BEND5: variants seen among roughly 807,000 people sequenced by gnomAD.
BEND5 encodes BEN domain-containing protein 5.
Under a neutral mutation model 43.9 loss-of-function variants are expected in BEND5, and 22 were observed. The observed-to-expected ratio is 0.50, with a 90% CI of 0.36 to 0.72. The LOEUF is 0.72. Among genes scored for constraint, BEND5 ranks in the 30% least tolerant of loss-of-function variants. BEND5 has a pLI of 0.00. For missense variants in BEND5, 428 were observed against 550.6 expected (o/e 0.78, Z 2.23); for synonymous variants, 228 against 225.9 (o/e 1.01, Z -0.08).
At position 48,736,338 on chromosome 1, in the gene BEND5, C is replaced by T. The variant is rs998064579; in HGVS notation, c.1009G>A (p.Val337Ile). The T allele has an allele frequency of 1.2e-6, 2 of 1,613,976 alleles. No individual in the cohort carries two copies. The highest frequency in any genetic ancestry group is 2.7e-5 in the African/African-American group (2 of 74,868). Reference sequence around the variant, plus strand: ...CCTGTGACGCTTCTGTTTTTCAGAACATCTGTTCCCCAAATCATAACTGCC... The same window carrying T: ...CCTGTGACGCTTCTGTTTTTCAGAATATCTGTTCCCCAAATCATAACTGCC... Reference protein sequence around the residue: ...NLAVMIWGTDVLKNRSVTGVA... With the variant: ...NLAVMIWGTDILKNRSVTGVA... The change falls in exon 5 of 6, where the codon GTT becomes ATT. Residue 337 changes from valine (V) to isoleucine (I), a missense_variant. Transcript: ENST00000371833. This position sits in a 1 kb window ranked among gnomAD's most constrained non-coding sequence, Gnocchi z 4.0.
intron 3 of BEND5, among the ~76,000 whole-genome samples, chr1:48,746,050 T>G (rs551497103): frequency 6.6e-6 from 1 of 152,202 alleles, no homozygotes; most frequent in African/African-American, 2.4e-5. Context: ...TGATTCACAT[T>G]CTATCCTCAA....
At position 48,766,387 on chromosome 1, in the gene BEND5, T is replaced by C. The variant is rs191402280; in HGVS notation, c.227-4917A>G. Among the ~76,000 whole-genome samples, 605 of 152,264 alleles carry C rather than the reference T, an allele frequency of 4.0e-3. 1 individual carries two copies. The highest frequency in any genetic ancestry group is 0.014 in the African/African-American group (569 of 41,550). On this transcript the variant is annotated intron_variant, in intron 1 of 5. Transcript: ENST00000371833. ...AGAGCCAGAATAAATACTGAATGAATGAGTGAATGACAGCTACAGTTGAGG... is the reference window on the plus strand; with the variant it reads ...AGAGCCAGAATAAATACTGAATGAACGAGTGAATGACAGCTACAGTTGAGG...
intron 3 of BEND5, among the ~76,000 whole-genome samples, chr1:48,745,630 T>C (rs1650618091): frequency 6.6e-6 from 1 of 152,164 alleles, no homozygotes; most frequent in Admixed American, 6.5e-5. Flanking sequence ...CCTAGAGATG[T>C]CCACCTATAC....
chr1:48,776,815 C>A lies in BEND5; in HGVS notation c.17G>T (p.Arg6Leu). The A allele has an allele frequency of 6.6e-7, 1 of 1,516,978 alleles. No homozygotes were observed. The highest frequency in any genetic ancestry group is 8.8e-7 in the Non-Finnish European group (1 of 1,133,650). The allele number at this position is 1,516,978 out of a possible 1,614,324, so 94.0% of individuals were successfully genotyped here. A position where few individuals can be genotyped will look rare whatever the true frequency, so the allele number is the denominator to read the frequency against. Residue 6 changes from arginine (R) to leucine (L), a missense_variant, in exon 1 of 6, where the codon CGG becomes CTG. Physicochemically the swap from Arg to Leu is moderately radical, Grantham distance 102. Transcript: ENST00000371833. The stretch of plus-strand genomic sequence containing the variant: ...GTAGCAGACGTTGTCCTCCAGGAAC[C>A]GCACAAAGGCGTACATGGTGGGCGC... Reference protein sequence around the residue: MYAFVRFLEDNVCYAL... With the variant: MYAFVLFLEDNVCYAL...
intron 1 of BEND5, among the ~76,000 whole-genome samples, chr1:48,771,539 A>T (rs1644834047): frequency 6.6e-6 from 1 of 152,244 alleles, no homozygotes; most frequent in South Asian, 2.1e-4. Flanking sequence ...TTAACATCCC[A>T]GTAGAATCCG....
chr1:48,738,691 T>C (rs928546492), intron 4 of BEND5, among the ~76,000 whole-genome samples: 2 of 152,176 alleles, frequency 1.3e-5, no homozygotes, highest in Non-Finnish European at 2.9e-5. Context: ...AAATCTCTGC[T>C]TTTTTCCCCC....
intron 3 of BEND5, among the ~76,000 whole-genome samples, chr1:48,753,823 G>A (rs990698039): frequency 2.6e-5 from 4 of 152,186 alleles, no homozygotes; most frequent in African/African-American, 9.7e-5. Flanking sequence ...GTGAATTACT[G>A]TTATTACTCT....
At chr1:48,759,837 T>C (rs896477702) in intron 2 of BEND5, among the ~76,000 whole-genome samples, 2 of 152,222 alleles carry the variant, frequency 1.3e-5, no homozygotes, top group African/African-American at 4.8e-5. Context: ...TCTACTCTAA[T>C]CTAGAGCAGA....
intron 1 of BEND5, among the ~76,000 whole-genome samples, chr1:48,773,227 A>G (rs1644921188): frequency 6.6e-6 from 1 of 152,172 alleles, no homozygotes. Context: ...CTCTAGGCAC[A>G]GAGAAACCAG....
At chr1:48,771,935 A>G (rs1453124558) in intron 1 of BEND5, among the ~76,000 whole-genome samples, 8 of 152,224 alleles carry the variant, frequency 5.3e-5, no homozygotes, top group African/African-American at 1.9e-4. Flanking sequence ...CCAGATGAAC[A>G]AAGTTGAATG....
chr1:48,760,655 C>T (rs1347182453), intron 2 of BEND5, among the ~76,000 whole-genome samples: 1 of 152,186 alleles, frequency 6.6e-6, no homozygotes, highest in African/African-American at 2.4e-5. Context: ...ATGAACTGAA[C>T]TCAGCTACAT....
chr1:48,729,678 G>T (rs1015323215), intron 5 of BEND5, among the ~76,000 whole-genome samples: 2 of 151,950 alleles, frequency 1.3e-5, no homozygotes, highest in African/African-American at 4.8e-5. Context: ...CCCTTCCCTG[G>T]GCACAGAGCC....
chr1:48,733,890 G>C (rs758551766), intron 5 of BEND5, among the ~76,000 whole-genome samples: 20 of 152,178 alleles, frequency 1.3e-4, no homozygotes, highest in Admixed American at 2.0e-4. Flanking sequence ...CCACAGAGAT[G>C]AATCAGATAC....
intron 2 of BEND5, among the ~76,000 whole-genome samples, chr1:48,760,847 A>G (rs1644220148): frequency 6.6e-6 from 1 of 152,240 alleles, no homozygotes; most frequent in South Asian, 2.1e-4. Flanking sequence ...CAACTGGGGC[A>G]CACAGCAAGA....
chr1:48,736,502 T>A lies in BEND5; in HGVS notation c.895-50A>T, dbSNP rs1463671193. 2 of 1,515,116 alleles carry A rather than the reference T, an allele frequency of 1.3e-6. No homozygotes were observed. The highest frequency in any genetic ancestry group is 1.8e-6 in the Non-Finnish European group (2 of 1,094,444). The allele number at this position is 1,515,116 out of a possible 1,614,324, so 93.9% of individuals were successfully genotyped here. A position where few individuals can be genotyped will look rare whatever the true frequency, so the allele number is the denominator to read the frequency against. On this transcript the variant is annotated intron_variant, in intron 4 of 5. Transcript: ENST00000371833. The surrounding 1 kb of genome is among the most constrained non-coding windows in gnomAD (Gnocchi z 4.0). The stretch of plus-strand genomic sequence containing the variant: ...CCTGTTTAGTCCGACAGGAGGGCAG[T>A]GGGAGGCTTCTCTTGTCCTTTAAAA...
chr1:48,768,621 G>C (rs755438854), intron 1 of BEND5, among the ~76,000 whole-genome samples: 3 of 152,162 alleles, frequency 2.0e-5, no homozygotes, highest in Non-Finnish European at 4.4e-5. Flanking sequence ...TTATTAAAAT[G>C]GGAGAAATTT....
chr1:48,734,725 C>G (rs1190358729), intron 5 of BEND5, among the ~76,000 whole-genome samples: 3 of 152,226 alleles, frequency 2.0e-5, no homozygotes, highest in Non-Finnish European at 4.4e-5. Context: ...ATGTCACCTC[C>G]TCAAACAGAC....
At position 48,744,663 on chromosome 1, in the gene BEND5, C is replaced by G. The variant is rs539084026; in HGVS notation, c.746-1892G>C. Among the ~76,000 whole-genome samples, 3 of 152,274 alleles carry G rather than the reference C, an allele frequency of 2.0e-5. No homozygotes were observed. The South Asian group carries it at 6.2e-4, about 32-fold the overall frequency. ...AGCCGTAACTTCAGTTGATTCTCTC[C>G]CATCCATCTCTATAAAGGCCATCAA... On this transcript the variant is annotated intron_variant, in intron 3 of 5. Coordinates refer to ENST00000371833, the MANE Select transcript of BEND5 (RefSeq NM_024603.4).
intron 3 of BEND5, among the ~76,000 whole-genome samples, chr1:48,757,413 G>A (rs961388329): frequency 1.3e-5 from 2 of 152,094 alleles, no homozygotes; most frequent in African/African-American, 2.4e-5. Context: ...AACCATATGC[G>A]ACTTTTCGTG....
Sources: gnomAD v4.1 joint callset for allele counts (sites outside exome capture counted in the v4.1 genomes callset) on GRCh38, gnomAD v4.1.1 for gene constraint, Gnocchi (gnomAD v3.1) non-coding constraint, MANE v1.5 for transcripts, NCBI Gene and HGNC (gene_info 2026-07-23, HGNC 2026-07-21) for gene names.